The following STAT4 variants were observed in gnomAD, a reference collection of about 807,000 sequenced individuals.
STAT4 encodes the protein signal transducer and activator of transcription 4.
STAT4 carries 42 observed loss-of-function variants against 110.5 expected under a neutral mutation model. That is an observed-to-expected ratio of 0.38 (90% CI 0.30 to 0.49). The LOEUF (loss-of-function observed/expected upper bound fraction) is 0.49, where lower values mean the gene tolerates loss of function less well. STAT4 is among the 20% of genes least tolerant of loss of function. The pLI is 0.95. For missense variants in STAT4, 632 were observed against 887.9 expected, an observed-to-expected ratio of 0.71 and a Z score of 3.66; for synonymous variants, 284 against 302.2, an observed-to-expected ratio of 0.94 and a Z score of 0.63.
chr2:191,098,805 G>A (rs1252945194), intron 3 of STAT4, among the ~76,000 whole-genome samples: 2 of 151,978 alleles, frequency 1.3e-5, no homozygotes, highest in Non-Finnish European at 2.9e-5. Flanking sequence ...AAATATCTAA[G>A]GATCGAGGAG....
chr2:191,136,432 A>G (rs1699182170), intron 3 of STAT4, among the ~76,000 whole-genome samples: 1 of 152,216 alleles, frequency 6.6e-6, no homozygotes, highest in African/African-American at 2.4e-5. Context: ...CATAAAAGGC[A>G]CCCAAACTGG....
In STAT4 at chr2:191,060,416, A is replaced by C. The variant is rs1696816594; in HGVS notation, c.1034+1313T>G. On this transcript the variant is annotated intron_variant, in intron 10 of 23. Transcript: ENST00000392320. This position sits in a 1 kb window ranked among gnomAD's most constrained non-coding sequence, Gnocchi z 4.5. ...GAATGCTTATTTTTTATTTTACTTT[A>C]TTATTCTGTTTTATTTTTTGAGATG... Among the ~76,000 whole-genome samples the C allele has an allele frequency of 6.6e-6, 1 of 152,084 alleles. No individual in the cohort carries two copies. Among genetic ancestry groups the C allele is most frequent in the Non-Finnish European group, 1.5e-5 (1 of 68,004 alleles).
At chr2:191,121,452 G>T (rs1212019726) in intron 3 of STAT4, among the ~76,000 whole-genome samples, 4 of 152,226 alleles carry the variant, frequency 2.6e-5, no homozygotes, top group East Asian at 3.9e-4. Flanking sequence ...AAATCATGCT[G>T]CTGTAAAGAC....
chr2:191,054,598 C>T (rs949665941), intron 13 of STAT4, 64 bp from the exon 14 acceptor site: 5 of 1,465,324 alleles, frequency 3.4e-6, no homozygotes, highest in African/African-American at 1.4e-5. Flanking sequence ...TTAAGTTGGT[C>T]GTACCTGTTG....
rs2125308960 is a variant in STAT4, at chr2:191,091,435, A to G, written c.274-15110T>C. Among the ~76,000 whole-genome samples the G allele has an allele frequency of 6.6e-6, 1 of 152,356 alleles. No individual in the cohort carries two copies. The highest frequency in any genetic ancestry group is 2.1e-4 in the South Asian group (1 of 4,830). ...ACACTGAAAACTTTAAAATCTGAGAAGACACATTAAAAACATAAATTCTAA... is the reference window on the plus strand; with the variant it reads ...ACACTGAAAACTTTAAAATCTGAGAGGACACATTAAAAACATAAATTCTAA... On this transcript the variant is annotated intron_variant, in intron 3 of 23. Coordinates refer to ENST00000392320, the MANE Select transcript of STAT4 (RefSeq NM_003151.4). The surrounding 1 kb of genome is among the most constrained non-coding windows in gnomAD (Gnocchi z 5.4).
In STAT4 at chr2:191,060,202, A is replaced by G. The variant is rs950913396; in HGVS notation, c.1035-1433T>C. 6.6e-6 allele frequency among the ~76,000 whole-genome samples: 1 copy of G among 152,052 alleles called. No individual in the cohort carries two copies. Among genetic ancestry groups the G allele is most frequent in the African/African-American group, 2.4e-5 (1 of 41,392 alleles). On this transcript the variant is annotated intron_variant, in intron 10 of 23. Transcript: ENST00000392320. This position sits in a 1 kb window ranked among gnomAD's most constrained non-coding sequence, Gnocchi z 4.5. ...GGTGCTGATTCAGAGTGCCTCTTCCACTTAGAATTTTTTTGCTAGGCAATC... is the reference window on the plus strand; with the variant it reads ...GGTGCTGATTCAGAGTGCCTCTTCCGCTTAGAATTTTTTTGCTAGGCAATC...
At chr2:191,092,370 C>T (rs1697824416) in intron 3 of STAT4, among the ~76,000 whole-genome samples, 2 of 152,110 alleles carry the variant, frequency 1.3e-5, no homozygotes, top group South Asian at 4.1e-4. Flanking sequence ...TGCCACTGCA[C>T]TCCAGCCTGG....
At chr2:191,068,009 C>T (rs1697043438) in intron 6 of STAT4, 1 of 152,168 alleles carries the variant, frequency 6.6e-6, no homozygotes, top group South Asian at 2.1e-4. Flanking sequence ...CCATACATAG[C>T]AAAATCTTGT....
Position 191,030,835 on chromosome 2 carries a change from G to T in STAT4, c.2220+137C>A. On this transcript the variant is annotated intron_variant, in intron 23 of 23. Coordinates refer to ENST00000392320, the MANE Select transcript of STAT4 (RefSeq NM_003151.4). The surrounding 1 kb of genome is among the most constrained non-coding windows in gnomAD (Gnocchi z 4.4). ...ACGCAGGACCATCCAGACACCTTTTGTGTTATGCTCATGAATTTGTTCCAA... is the reference window on the plus strand; with the variant it reads ...ACGCAGGACCATCCAGACACCTTTTTTGTTATGCTCATGAATTTGTTCCAA... The T allele has an allele frequency of 2.7e-6, 2 of 747,522 alleles. No homozygotes were observed. Among genetic ancestry groups the T allele is most frequent in the Non-Finnish European group, 2.3e-6 (1 of 440,588 alleles). The allele number at this position is 747,522 out of a possible 1,614,324, so 46.3% of individuals were successfully genotyped here.
chr2:191,036,633 C>T (rs1158573029), intron 16 of STAT4, among the ~76,000 whole-genome samples: 6 of 152,150 alleles, frequency 3.9e-5, no homozygotes, highest in African/African-American at 1.2e-4. Context: ...TCAAGTTGCC[C>T]GCTTGGCCCT....
rs1003116465 is a variant in STAT4, at chr2:191,146,749, G to A, written c.137C>T (p.Ala46Val). The A allele has an allele frequency of 6.5e-7, 1 of 1,537,942 alleles. No homozygotes were observed. The highest frequency in any genetic ancestry group is 8.7e-7 in the Non-Finnish European group (1 of 1,147,160). ...CGTTGCCATGGTTTCATTGTTAGAA[G>A]CTGCCTCCCTAAAAAAAAAAAGGAT... ...QWIENQDWEAASNNETMATIL... is the reference protein window; with the variant it reads ...QWIENQDWEAVSNNETMATIL... The change falls in exon 3 of 24, where the codon GCT becomes GTT. Residue 46 changes from alanine (A) to valine (V), a missense_variant. This residue lies in a region of STAT4 where 488 missense variants were observed against 632.8 expected (regional missense o/e 0.77). Coordinates refer to ENST00000392320, the MANE Select transcript of STAT4 (RefSeq NM_003151.4). This position sits in a 1 kb window ranked among gnomAD's most constrained non-coding sequence, Gnocchi z 4.5.
chr2:191,054,491 T>A lies in STAT4; in HGVS notation c.1250A>T (p.Glu417Val), dbSNP rs1696618860. Residue 417 changes from glutamate (E) to valine (V), a missense_variant and splice_region_variant, in exon 14 of 24, where the codon GAG becomes GTG. Transcript: ENST00000392320. Reference sequence around the variant, plus strand: ...TCTATAGGAGAAAACATTTCCTACCTCATTTCCTTTACCTCCAGCACTGGA... The same window carrying A: ...TCTATAGGAGAAAACATTTCCTACCACATTTCCTTTACCTCCAGCACTGGA... ...MKSSAGGKGN[E>V]GCHMVTEELH... is the part of the protein sequence containing the mutation. The A allele has an allele frequency of 6.2e-7, 1 of 1,611,014 alleles. No homozygotes were observed. The highest frequency in any genetic ancestry group is 8.5e-7 in the Non-Finnish European group (1 of 1,179,094).
intron 3 of STAT4, among the ~76,000 whole-genome samples, chr2:191,119,081 C>T (rs542468803): frequency 6.6e-6 from 1 of 152,148 alleles, no homozygotes; most frequent in Admixed American, 6.5e-5. Flanking sequence ...CAACTGGTTT[C>T]GATGCACAGA....
Position 191,147,960 on chromosome 2 carries a change from C to A in STAT4, c.128+116G>T, listed in dbSNP as rs1175009854. The A allele has an allele frequency of 2.8e-6, 4 of 1,405,466 alleles. No homozygotes were observed. The highest frequency in any genetic ancestry group is 3.9e-6 in the Non-Finnish European group (4 of 1,038,600). 87.1% of individuals were successfully genotyped at this position (1,405,466 alleles called of 1,614,324 possible). On this transcript the variant is annotated intron_variant, in intron 2 of 23. Transcript: ENST00000392320. The surrounding 1 kb of genome is among the most constrained non-coding windows in gnomAD (Gnocchi z 4.1). ...AGGCTTTCAAATCCTTGAGAAAGTT[C>A]TTTACCTGAAAAGAATGCATCTACT...
At chr2:191,078,996 C>T (rs1042560846) in intron 3 of STAT4, among the ~76,000 whole-genome samples, 1 of 152,034 alleles carries the variant, frequency 6.6e-6, no homozygotes, top group African/African-American at 2.4e-5. Context: ...ATTCCAATAA[C>T]ATTTACTGAA....
At chr2:191,036,931 T>C (rs1445703372) in intron 16 of STAT4, among the ~76,000 whole-genome samples, 1 of 152,228 alleles carries the variant, frequency 6.6e-6, no homozygotes, top group African/African-American at 2.4e-5. Flanking sequence ...TCTGTTGTTC[T>C]TAAGACTGAT....
At chr2:191,073,373 G>A (rs1697219781) in intron 4 of STAT4, among the ~76,000 whole-genome samples, 183 bp from the exon 5 acceptor site, 1 of 152,158 alleles carries the variant, frequency 6.6e-6, no homozygotes, top group Non-Finnish European at 1.5e-5. Flanking sequence ...AAAATTTGAA[G>A]ACTAGAGCAG....
intron 3 of STAT4, among the ~76,000 whole-genome samples, chr2:191,132,845 C>T (rs886133174): frequency 1.3e-5 from 2 of 150,584 alleles, no homozygotes; most frequent in Non-Finnish European, 2.9e-5. Context: ...AGCTCCGCCT[C>T]CCGGGTTCAC....
chr2:191,034,703 A>C, intron 17 of STAT4, 106 bp from the exon 18 acceptor site: 2 of 803,336 alleles, frequency 2.5e-6, no homozygotes, highest in Non-Finnish European at 4.4e-6. Flanking sequence ...TTTCTTAAGC[A>C]CTTGATATGG....
Sources: gnomAD v4.1 joint callset for allele counts (sites outside exome capture counted in the v4.1 genomes callset) on GRCh38, gnomAD v4.1.1 for gene constraint, gnomAD v4.1.1 regional missense constraint, Gnocchi (gnomAD v3.1) non-coding constraint, MANE v1.5 for transcripts, NCBI Gene and HGNC (gene_info 2026-07-23, HGNC 2026-07-21) for gene names.